The following HADH variants were observed in gnomAD, a reference collection of about 807,000 sequenced individuals.
HADH encodes the protein hydroxyacyl-CoA dehydrogenase, also known as hydroxyacyl-coenzyme A dehydrogenase, mitochondrial.
Under a neutral mutation model 32.2 loss-of-function variants are expected in HADH, and 24 were observed. That is an observed-to-expected ratio of 0.75 (90% CI 0.54 to 1.05). HADH has a LOEUF of 1.05. HADH is among the 50% of genes least tolerant of loss of function. The pLI, the probability that HADH is intolerant of heterozygous loss-of-function variation, is 0.00. For missense variants in HADH, 350 were observed against 397.1 expected (o/e 0.88, Z 1.01); for synonymous variants, 139 against 152.5 (o/e 0.91, Z 0.65).
intron 1 of HADH, among the ~76,000 whole-genome samples, chr4:108,004,186 C>T (rs966894535): frequency 6.6e-6 from 1 of 152,224 alleles, no homozygotes; most frequent in African/African-American, 2.4e-5. Context: ...ATGAAAAGTG[C>T]AAGCTCTCTT....
chr4:108,004,828 A>G, intron 1 of HADH: 1 of 1,536,008 alleles, frequency 6.5e-7, no homozygotes, highest in Non-Finnish European at 8.7e-7. Context: ...TGTCTGCTGG[A>G]GGAAGGAACA....
At chr4:107,997,430 A>G (rs544041591) in intron 1 of HADH, among the ~76,000 whole-genome samples, 1 of 152,220 alleles carries the variant, frequency 6.6e-6, no homozygotes, top group African/African-American at 2.4e-5. Flanking sequence ...AGCTGCTTCA[A>G]ATCTTCTTGA....
intron 1 of HADH, among the ~76,000 whole-genome samples, chr4:108,000,480 CTCTGT>C (rs1334617241): frequency 6.6e-6 from 1 of 152,136 alleles, no homozygotes; most frequent in Non-Finnish European, 1.5e-5. Flanking sequence ...GTTTTTATTT[CTCTGT>C]TCTGTTCACA....
At chr4:108,020,531 ACCAT>A (rs1434135695) in intron 4 of HADH, among the ~76,000 whole-genome samples, 4 of 152,126 alleles carry the variant, frequency 2.6e-5, no homozygotes, top group African/African-American at 9.7e-5. Flanking sequence ...GAGCCTCCTG[ACCAT>A]AAACCTGGAA....
chr4:107,996,260 T>A (rs556646238), intron 1 of HADH, among the ~76,000 whole-genome samples: 1 of 152,292 alleles, frequency 6.6e-6, no homozygotes, highest in African/African-American at 2.4e-5. Context: ...GCAAACATTG[T>A]CATATTAGTC....
intron 2 of HADH, among the ~76,000 whole-genome samples, chr4:108,012,094 A>G (rs1194701250): frequency 6.6e-6 from 1 of 151,898 alleles, no homozygotes; most frequent in African/African-American, 2.4e-5. Flanking sequence ...ACAGAGTTGT[A>G]CTGTGTTGCC....
chr4:108,020,999 A>G (rs775605627), intron 4 of HADH, among the ~76,000 whole-genome samples: 9 of 152,110 alleles, frequency 5.9e-5, no homozygotes, highest in Admixed American at 3.9e-4. Flanking sequence ...CCATCTTGCA[A>G]TGGGACTTTT....
In HADH at chr4:108,034,411, GC is replaced by G. The variant is rs1294694411; in HGVS notation, c.*58del. On this transcript the variant is annotated 3_prime_UTR_variant, in exon 8 of 8. Coordinates refer to ENST00000309522, the MANE Select transcript of HADH (RefSeq NM_005327.7). ...CACCTGAGAGCGCTTTCCAGCCAGT[GC>G]CCCGAGTGCCTGTGGGAATGCTCTT... 9.4e-6 allele frequency: 9 copies of G among 960,844 alleles called. No homozygotes were observed. Among genetic ancestry groups the G allele is most frequent in the Middle Eastern group, 2.1e-4 (1 of 4,822 alleles). The allele number at this position is 960,844 out of a possible 1,614,324, so 59.5% of individuals were successfully genotyped here.
intron 3 of HADH, among the ~76,000 whole-genome samples, chr4:108,016,819 C>CT (rs1405866133): frequency 2.6e-5 from 4 of 152,344 alleles, no homozygotes; most frequent in Non-Finnish European, 5.9e-5. Context: ...CTCTAACTCT[C>CT]TAAGACTAGC....
chr4:108,020,239 G>C (rs1052649999), intron 4 of HADH, among the ~76,000 whole-genome samples: 7 of 152,214 alleles, frequency 4.6e-5, no homozygotes, highest in East Asian at 1.9e-4. Context: ...GGAGGTGGAA[G>C]TTAGTGGATT....
intron 1 of HADH, among the ~76,000 whole-genome samples, chr4:107,995,936 G>A (rs1734942261): frequency 6.6e-6 from 1 of 152,146 alleles, no homozygotes; most frequent in South Asian, 2.1e-4. Flanking sequence ...GTGCTGTGCT[G>A]CCATCCTTCT....
At chr4:107,999,737 G>T (rs1735062684) in intron 1 of HADH, among the ~76,000 whole-genome samples, 1 of 152,142 alleles carries the variant, frequency 6.6e-6, no homozygotes, top group South Asian at 2.1e-4. Context: ...TGTGATTGCT[G>T]CTCTTGAGAA....
intron 3 of HADH, among the ~76,000 whole-genome samples, chr4:108,018,504 A>C (rs556794743): frequency 4.6e-5 from 7 of 152,172 alleles, no homozygotes; most frequent in Non-Finnish European, 8.8e-5. Flanking sequence ...GGATGTGCTC[A>C]TACCTGGAAA....
chr4:108,020,067 T>C (rs1467053401), intron 4 of HADH, among the ~76,000 whole-genome samples: 4 of 152,204 alleles, frequency 2.6e-5, no homozygotes, highest in Non-Finnish European at 5.9e-5. Flanking sequence ...TTAGATACAC[T>C]ATACTAGCTT....
chr4:108,022,380 C>T (rs1222879417), intron 4 of HADH, among the ~76,000 whole-genome samples: 9 of 152,132 alleles, frequency 5.9e-5, no homozygotes, highest in Non-Finnish European at 8.8e-5. Context: ...GGTGCCATCC[C>T]CTACAGATGC....
At position 107,990,100 on chromosome 4, in the gene HADH, G is replaced by C. The variant is rs767443792; in HGVS notation, c.132+36G>C. The C allele has an allele frequency of 1.9e-6, 3 of 1,582,230 alleles. No homozygotes were observed. The South Asian group carries it at 3.5e-5, about 18-fold the overall frequency. ...CTCCCTGCAGCGTGCCCACGCGCTT[G>C]GCCGCCCACCCTGAGGTGGAAGCTC... On this transcript the variant is annotated intron_variant, in intron 1 of 7. Coordinates refer to ENST00000309522, the MANE Select transcript of HADH (RefSeq NM_005327.7).
At chr4:107,993,224 C>T (rs1231567817) in intron 1 of HADH, among the ~76,000 whole-genome samples, 1 of 152,178 alleles carries the variant, frequency 6.6e-6, no homozygotes, top group East Asian at 1.9e-4. Context: ...CTGAGGTAGG[C>T]CTGTAAGGTT....
At chr4:107,995,610 T>G (rs1348735320) in intron 1 of HADH, among the ~76,000 whole-genome samples, 3 of 152,212 alleles carry the variant, frequency 2.0e-5, no homozygotes, top group Non-Finnish European at 4.4e-5. Context: ...GACACTTTAT[T>G]CTGTTCAAAG....
At chr4:108,027,858 T>G (rs1736118463) in intron 6 of HADH, 98 bp downstream of exon 6, 3 of 777,790 alleles carry the variant, frequency 3.9e-6, no homozygotes, top group Non-Finnish European at 7.0e-6. Context: ...CCGTGCACAA[T>G]GGAGGAAGCA....
Sources: allele counts gnomAD v4.1 joint callset (sites outside exome capture counted in the v4.1 genomes callset), GRCh38; gene constraint gnomAD v4.1.1; transcripts MANE v1.5; gene names NCBI Gene and HGNC (gene_info 2026-07-23, HGNC 2026-07-21).